CDKL4: variants seen among roughly 807,000 people sequenced by gnomAD.
CDKL4 encodes the protein cyclin-dependent kinase-like 4.
A neutral mutation model predicts 42.0 loss-of-function variants in CDKL4; 44 were observed. The ratio of observed to expected loss-of-function variants is 1.05; its 90% CI spans 0.82 to 1.35. The LOEUF (loss-of-function observed/expected upper bound fraction) is 1.35, where lower values mean the gene tolerates loss of function less well. Among genes scored for constraint, CDKL4 ranks in the 40% most tolerant of loss-of-function variants. The pLI, the probability that CDKL4 is intolerant of heterozygous loss-of-function variation, is 0.00. For synonymous variants in CDKL4, 120 were observed against 121.6 expected (o/e 0.99, Z 0.09); for missense variants, 393 against 369.9 (o/e 1.06, Z -0.51).
chr2:39,243,642 T>C (rs1679774107), intron 1 of CDKL4, among the ~76,000 whole-genome samples: 1 of 152,128 alleles, frequency 6.6e-6, no homozygotes, highest in Non-Finnish European at 1.5e-5. Context: ...GCCCACTCCC[T>C]GGGCAGCACC....
chr2:39,221,013 G>GTTTTTTTGT (rs373203432), intron 3 of CDKL4, among the ~76,000 whole-genome samples: 1 of 73,774 alleles, frequency 1.4e-5, no homozygotes, highest in Non-Finnish European at 2.5e-5. Context: ...TTTTTTTTTT[G>GTTTTTTTGT]TTTTGTTTTT....
intron 8 of CDKL4, among the ~76,000 whole-genome samples, chr2:39,182,023 C>T (rs1675469051): frequency 6.6e-6 from 1 of 152,038 alleles, no homozygotes; most frequent in African/African-American, 2.4e-5. Flanking sequence ...TCACTGTCAC[C>T]CAGGCTACAG....
chr2:39,174,731 C>A (rs1675099845), downstream of CDKL4, among the ~76,000 whole-genome samples: 1 of 152,096 alleles, frequency 6.6e-6, no homozygotes, highest in Non-Finnish European at 1.5e-5. Context: ...ACTGATTGCG[C>A]CTTTTTGCCT....
At chr2:39,186,978 A>C (rs753977598) in intron 7 of CDKL4, among the ~76,000 whole-genome samples, 2 of 152,168 alleles carry the variant, frequency 1.3e-5, no homozygotes, top group Non-Finnish European at 2.9e-5. Context: ...TAGTTTCTTC[A>C]ATATGTGTGA....
chr2:39,209,440 C>T (rs1358651423), intron 4 of CDKL4, among the ~76,000 whole-genome samples: 4 of 152,168 alleles, frequency 2.6e-5, no homozygotes, highest in African/African-American at 7.2e-5. Flanking sequence ...TTGGTTACCT[C>T]ACTCTAGTGA....
chr2:39,235,930 C>A, intron 1 of CDKL4, among the ~76,000 whole-genome samples: 1 of 151,664 alleles, frequency 6.6e-6, no homozygotes. Flanking sequence ...GAAAGTGTGA[C>A]TGATACTCAG....
chr2:39,170,581 C>A, the CDKL4 span, among the ~76,000 whole-genome samples: 1 of 152,002 alleles, frequency 6.6e-6, no homozygotes. Flanking sequence ...CTCAGCCTCC[C>A]GAGTAGCTGG....
chr2:39,215,956 C>A (rs1487051855), intron 3 of CDKL4, among the ~76,000 whole-genome samples: 1 of 152,158 alleles, frequency 6.6e-6, no homozygotes, highest in East Asian at 1.9e-4. Flanking sequence ...GTATTCTTCT[C>A]CCCACTTCAC....
chr2:39,188,908 A>T (rs1676004605), intron 6 of CDKL4, among the ~76,000 whole-genome samples: 1 of 152,092 alleles, frequency 6.6e-6, no homozygotes, highest in African/African-American at 2.4e-5. Context: ...CCCAGCCTGG[A>T]GTAGTTGCTA....
intron 5 of CDKL4, among the ~76,000 whole-genome samples, chr2:39,199,533 A>G (rs1212254142): frequency 6.6e-6 from 1 of 152,106 alleles, no homozygotes; most frequent in Non-Finnish European, 1.5e-5. Context: ...AGGACATAAC[A>G]AAAAAAGAAA....
intron 3 of CDKL4, among the ~76,000 whole-genome samples, chr2:39,219,079 C>T (rs72921027): frequency 0.021 from 3,243 of 152,316 alleles, 106 homozygotes; most frequent in African/African-American, 0.074. Context: ...AGGACTTTCT[C>T]TTGTCCGTTA....
At chr2:39,229,583 C>G (rs2148393871) in exon 2 of CDKL4, 1 of 1,420,528 alleles carries the variant, frequency 7.0e-7, no homozygotes. Flanking sequence ...CAGTACAATG[C>G]TGCACCTGGA....
At position 39,180,264 on chromosome 2, in the gene CDKL4, C is replaced by T. The variant is rs138901204; in HGVS notation, c.793-943G>A. Among the ~76,000 whole-genome samples, 1,317 of 152,354 alleles carry T rather than the reference C, an allele frequency of 8.6e-3. 19 individuals carry two copies. Among genetic ancestry groups the T allele is most frequent in the African/African-American group, 0.029 (1,193 of 41,580 alleles). On this transcript the variant is annotated intron_variant, in intron 8 of 9. Coordinates refer to ENST00000451199, the Ensembl canonical transcript of CDKL4. ...CAGTTTTACAATACACAGGCACAGA[C>T]GACCTGACAATTATTGCCTTCCATC...
chr2:39,235,763 CACA>C (rs1679336693), intron 1 of CDKL4, among the ~76,000 whole-genome samples: 1 of 151,840 alleles, frequency 6.6e-6, no homozygotes, highest in African/African-American at 2.4e-5. Flanking sequence ...AAACAACAAC[CACA>C]ACAACAACCA....
chr2:39,233,736 C>G (rs1573029349), intron 1 of CDKL4, among the ~76,000 whole-genome samples: 1 of 150,838 alleles, frequency 6.6e-6, no homozygotes, highest in Admixed American at 6.6e-5. Context: ...CAAAAAAAAA[C>G]ACACAAAATC....
intron 3 of CDKL4, among the ~76,000 whole-genome samples, chr2:39,216,010 T>G (rs146988027): frequency 2.1e-4 from 32 of 152,320 alleles, no homozygotes; most frequent in Middle Eastern, 3.4e-3. Flanking sequence ...TTTCAAAATA[T>G]GAGGCAGGAA....
intron 1 of CDKL4, among the ~76,000 whole-genome samples, chr2:39,234,850 T>C (rs986307306): frequency 6.6e-6 from 1 of 152,098 alleles, no homozygotes; most frequent in Non-Finnish European, 1.5e-5. Flanking sequence ...AGCCAAGGTG[T>C]GTCCTTCAAG....
intron 1 of CDKL4, among the ~76,000 whole-genome samples, chr2:39,233,229 C>G (rs941192311): frequency 6.6e-6 from 1 of 151,920 alleles, no homozygotes. Context: ...GACTTAAGAT[C>G]ACCTCCTTCC....
chr2:39,244,334 G>C (rs1679814516), upstream of CDKL4, among the ~76,000 whole-genome samples: 1 of 152,216 alleles, frequency 6.6e-6, no homozygotes. Flanking sequence ...CTGGAGTTCC[G>C]GGTGGGCGTG....
Sources: allele counts gnomAD v4.1 joint callset (sites outside exome capture counted in the v4.1 genomes callset), GRCh38; gene constraint gnomAD v4.1.1; transcripts MANE v1.5; gene names NCBI Gene and HGNC (gene_info 2026-07-23, HGNC 2026-07-21).